The following FDFT1 variants were observed in gnomAD, a reference collection of about 807,000 sequenced individuals.
FDFT1 encodes the protein farnesyl-diphosphate farnesyltransferase 1.
In FDFT1, 68 loss-of-function variants were observed where a neutral mutation model predicts 46.8. The observed-to-expected ratio is 1.45, with a 90% CI of 1.19 to 1.78. FDFT1 has a LOEUF of 1.78. FDFT1 is among the 40% of genes most tolerant of loss of function. The pLI is 0.00. For missense variants in FDFT1, 928 were observed against 524.4 expected (o/e 1.77, Z -7.52); for synonymous variants, 351 against 185.1 (o/e 1.90, Z -7.28).
chr8:11,831,228 ATGT>A lies in FDFT1; in HGVS notation c.880-287_880-285del, dbSNP rs1563338842. Among the ~76,000 whole-genome samples, 3 of 152,326 alleles carry A rather than the reference ATGT, an allele frequency of 2.0e-5. No individual in the cohort carries two copies. The East Asian group carries it at 5.8e-4, about 29-fold the overall frequency. On this transcript the variant is annotated intron_variant, in intron 6 of 7. Coordinates refer to ENST00000220584, the MANE Select transcript of FDFT1 (RefSeq NM_004462.5). ...ATAATCCATTGCTCTAGCATGGAAAATGTTGGATTTACTTGTGTTTGCTTTTTC... is the reference window on the plus strand; with the variant it reads ...ATAATCCATTGCTCTAGCATGGAAAATGGATTTACTTGTGTTTGCTTTTTC...
At chr8:11,808,749 T>C (rs547793368) in intron 1 of FDFT1, 45 bp from the exon 2 acceptor site, 202 of 1,552,130 alleles carry the variant, frequency 1.3e-4, no homozygotes, top group Non-Finnish European at 1.6e-4. Flanking sequence ...CTCCCACTCC[T>C]GCTCCTCGAC....
intron 1 of FDFT1, chr8:11,796,027 A>G (rs555065835): frequency 6.6e-6 from 1 of 152,344 alleles, no homozygotes; most frequent in South Asian, 2.1e-4. Flanking sequence ...AGATTGGTTT[A>G]GTTCATGAGT....
At chr8:11,837,907 G>A (rs889045167) in intron 7 of FDFT1, among the ~76,000 whole-genome samples, 1 of 152,162 alleles carries the variant, frequency 6.6e-6, no homozygotes, top group South Asian at 2.1e-4. Context: ...AGGACTCCAG[G>A]GTGGTTCATA....
At chr8:11,828,296 C>G (rs977710791) in intron 5 of FDFT1, among the ~76,000 whole-genome samples, 3 of 100,080 alleles carry the variant, frequency 3.0e-5, no homozygotes, top group Admixed American at 1.9e-4. Flanking sequence ...TGTCTCAAAA[C>G]AAACAAACAA....
At position 11,831,526 on chromosome 8, in the gene FDFT1, C is replaced by T. The variant is rs1402050918; in HGVS notation, c.888C>T (p.Ala296=). Reference sequence around the variant, plus strand: ...CTTCTTGTTGTCTCTAGGTGATGGCCATTGCCACTTTGGCTGCCTGTTATA... The same window carrying T: ...CTTCTTGTTGTCTCTAGGTGATGGCTATTGCCACTTTGGCTGCCTGTTATA... The part of the protein sequence containing the change: ...FNFCAIPQVM[A]IATLAACYNN... The change falls in exon 7 of 8, where the codon GCC becomes GCT. Residue 296 remains alanine (A), a synonymous_variant. Coordinates refer to ENST00000220584, the MANE Select transcript of FDFT1 (RefSeq NM_004462.5). 1 of 1,613,924 alleles carries T rather than the reference C, an allele frequency of 6.2e-7. No individual in the cohort carries two copies.
In FDFT1 at chr8:11,838,618, T is replaced by A; in HGVS notation, c.*9T>A. 1.2e-6 allele frequency: 2 copies of A among 1,600,028 alleles called. 1 individual carries two copies. The highest frequency in any genetic ancestry group is 2.2e-5 in the South Asian group (2 of 90,824). ...AGACTGGAGAACACTGATCCCAAAT[T>A]TGTCCATAGCTGAAGTCCACCATAA... On this transcript the variant is annotated 3_prime_UTR_variant, in exon 8 of 8. Coordinates refer to ENST00000220584, the MANE Select transcript of FDFT1 (RefSeq NM_004462.5).
intron 3 of FDFT1, among the ~76,000 whole-genome samples, chr8:11,818,749 C>G (rs927114276): frequency 1.3e-5 from 2 of 152,074 alleles, no homozygotes; most frequent in African/African-American, 2.4e-5. Context: ...ATGTGCATCT[C>G]TGCACGTGAG....
At chr8:11,823,021 C>T (rs1042274023) in intron 4 of FDFT1, among the ~76,000 whole-genome samples, 5 of 152,034 alleles carry the variant, frequency 3.3e-5, no homozygotes, top group African/African-American at 1.2e-4. Flanking sequence ...GTGGTGTGAT[C>T]ACGGCTCCCC....
At chr8:11,819,190 G>T (rs563980175) in intron 3 of FDFT1, among the ~76,000 whole-genome samples, 6 of 152,294 alleles carry the variant, frequency 3.9e-5, no homozygotes, top group South Asian at 2.1e-4. Flanking sequence ...CTCTCTTCTG[G>T]CTAGTAGGGT....
chr8:11,810,072 C>T, intron 3 of FDFT1: 1 of 502,884 alleles, frequency 2.0e-6, no homozygotes, highest in South Asian at 3.1e-5. Flanking sequence ...TACAAAGACT[C>T]TCTGTGCCTC....
At chr8:11,832,958 A>C (rs1451816535) in intron 7 of FDFT1, among the ~76,000 whole-genome samples, 1 of 152,172 alleles carries the variant, frequency 6.6e-6, no homozygotes, top group Non-Finnish European at 1.5e-5. Flanking sequence ...TTTTCATCTA[A>C]ATAGAATTAT....
chr8:11,801,355 T>G (rs1365047786), upstream of FDFT1, among the ~76,000 whole-genome samples: 2 of 152,220 alleles, frequency 1.3e-5, no homozygotes, highest in Admixed American at 6.5e-5. Context: ...GTCTCGCTCT[T>G]GTCCCCCAGG....
chr8:11,826,676 G>A (rs538779888), intron 5 of FDFT1, among the ~76,000 whole-genome samples: 9 of 152,278 alleles, frequency 5.9e-5, no homozygotes, highest in African/African-American at 1.4e-4. Flanking sequence ...TTAGCCGGGC[G>A]TGGTGGCAAG....
intron 1 of FDFT1, among the ~76,000 whole-genome samples, chr8:11,796,302 C>G (rs960597806): frequency 6.6e-6 from 1 of 152,172 alleles, no homozygotes; most frequent in African/African-American, 2.4e-5. Flanking sequence ...GATCTGATTA[C>G]GCTGTAAACA....
intron 1 of FDFT1, among the ~76,000 whole-genome samples, chr8:11,804,607 T>TTA (rs1806578081): frequency 7.0e-6 from 1 of 141,940 alleles, no homozygotes; most frequent in Non-Finnish European, 1.5e-5. Flanking sequence ...TCTCTTTTTT[T>TTA]TTTTTTTTTT....
rs765751099 is a variant in FDFT1, at chr8:11,802,894, T to G, written c.62T>G (p.Ile21Ser). 1 of 1,611,774 alleles carries G rather than the reference T, an allele frequency of 6.2e-7. No individual in the cohort carries two copies. The highest frequency in any genetic ancestry group is 8.5e-7 in the Non-Finnish European group (1 of 1,178,922). ...TTCTACAACCTGGTGCGCTTCCGGA[T>G]CGGGGGCAAGCGGAAGGTGATGCCC... ...EEFYNLVRFR[I>S]GGKRKVMPKM... The change falls in exon 1 of 8, where the codon ATC becomes AGC. Residue 21 changes from isoleucine to serine, a missense_variant. Coordinates refer to ENST00000220584, the MANE Select transcript of FDFT1 (RefSeq NM_004462.5).
intron 5 of FDFT1, among the ~76,000 whole-genome samples, chr8:11,828,228 C>T (rs1200186819): frequency 6.6e-6 from 1 of 152,108 alleles, no homozygotes; most frequent in Non-Finnish European, 1.5e-5. Flanking sequence ...TTCAAGGCTG[C>T]AGTGAACCAT....
chr8:11,826,309 T>C (rs2294136), intron 5 of FDFT1, 94 bp downstream of exon 5: 226,751 of 930,430 alleles, frequency 0.24, 34,970 homozygotes, highest in East Asian at 0.78. Flanking sequence ...GAAAAACAAG[T>C]CAGGCCTCCC....
At chr8:11,829,635 C>G (rs1001068318) in intron 5 of FDFT1, among the ~76,000 whole-genome samples, 10 of 152,170 alleles carry the variant, frequency 6.6e-5, no homozygotes, top group Non-Finnish European at 1.3e-4. Flanking sequence ...ACAGGAGCCT[C>G]TTTAGCCTGA....
Sources: gnomAD v4.1 joint callset for allele counts (sites outside exome capture counted in the v4.1 genomes callset) on GRCh38, gnomAD v4.1.1 for gene constraint, MANE v1.5 for transcripts, NCBI Gene and HGNC (gene_info 2026-07-23, HGNC 2026-07-21) for gene names.